The following RAPGEF4 variants were observed in gnomAD, a reference collection of about 807,000 sequenced individuals.
The protein encoded by RAPGEF4 is Rap guanine nucleotide exchange factor 4.
A neutral mutation model predicts 147.9 loss-of-function variants in RAPGEF4; 66 were observed. The ratio of observed to expected loss-of-function variants is 0.45; its 90% CI spans 0.37 to 0.55. The LOEUF (loss-of-function observed/expected upper bound fraction) is 0.55, where lower values mean the gene tolerates loss of function less well. Ranked by LOEUF, RAPGEF4 falls within the 20% of genes least tolerant of loss-of-function variation. The probability of loss-of-function intolerance (pLI) is 0.00; values close to 1 mark genes in which losing one functional copy is unlikely to be tolerated. For synonymous variants in RAPGEF4, 419 were observed against 442.7 expected (o/e 0.95, Z 0.67); for missense variants, 1,071 against 1,257.3 (o/e 0.85, Z 2.24).
chr2:173,045,208 CTG>C (rs1685308778), intron 29 of RAPGEF4, among the ~76,000 whole-genome samples: 1 of 152,250 alleles, frequency 6.6e-6, no homozygotes, highest in South Asian at 2.1e-4. Flanking sequence ...AAGAAATCAA[CTG>C]TACGTGCACA....
intron 12 of RAPGEF4, among the ~76,000 whole-genome samples, chr2:172,985,843 C>T (rs1559164277): frequency 6.6e-6 from 1 of 152,160 alleles, no homozygotes. Context: ...GACCTCATTT[C>T]GTTCATAGCT....
In RAPGEF4 at chr2:172,843,366, GC is replaced by G. The variant is rs1387166346; in HGVS notation, c.444+28942del. On this transcript the variant is annotated intron_variant, in intron 4 of 30. Coordinates refer to ENST00000397081, the MANE Select transcript of RAPGEF4 (RefSeq NM_007023.4). ...AGTTTTCCAACAGAATTTGCCGGGG[GC>G]AAGTCAAAGCATGCACACTTGGATA... Among the ~76,000 whole-genome samples, 7 of 152,322 alleles carry G rather than the reference GC, an allele frequency of 4.6e-5. No homozygotes were observed. In the East Asian group the frequency reaches 1.3e-3, roughly 29 times the overall value.
chr2:172,885,198 CA>C (rs1379780291), intron 4 of RAPGEF4, among the ~76,000 whole-genome samples: 2 of 152,260 alleles, frequency 1.3e-5, no homozygotes, highest in African/African-American at 4.8e-5. Flanking sequence ...GTCAGCGTTA[CA>C]GTGTGTTCCA....
chr2:172,860,626 T>A (rs2149775254), intron 4 of RAPGEF4, among the ~76,000 whole-genome samples: 1 of 151,772 alleles, frequency 6.6e-6, no homozygotes, highest in South Asian at 2.1e-4. Context: ...GGAGTAGATC[T>A]GAAATGAAAA....
At chr2:173,028,752 C>G (rs1696903151) in intron 25 of RAPGEF4, among the ~76,000 whole-genome samples, 1 of 152,152 alleles carries the variant, frequency 6.6e-6, no homozygotes, top group South Asian at 2.1e-4. Context: ...AATCCGAGAT[C>G]TACAAGAATG....
At position 173,017,139 on chromosome 2, in the gene RAPGEF4, G is replaced by A. The variant is rs764864389; in HGVS notation, c.1899-35G>A. The A allele has an allele frequency of 5.0e-6, 8 of 1,590,164 alleles. No homozygotes were observed. In the Admixed American group the frequency reaches 1.0e-4, roughly 20 times the overall value. Reference sequence around the variant, plus strand: ...AATAAGGCAATTTAATAGTAGCAATGGTATTAAATAATGTGCTTTCTCTAC... The same window carrying A: ...AATAAGGCAATTTAATAGTAGCAATAGTATTAAATAATGTGCTTTCTCTAC... On this transcript the variant is annotated intron_variant, in intron 19 of 30. Coordinates refer to ENST00000397081, the MANE Select transcript of RAPGEF4 (RefSeq NM_007023.4).
intron 4 of RAPGEF4, among the ~76,000 whole-genome samples, chr2:172,864,775 C>G (rs1178461660): frequency 6.6e-6 from 1 of 152,110 alleles, no homozygotes; most frequent in Non-Finnish European, 1.5e-5. Context: ...CATGGTGGCA[C>G]GTGACTGTAG....
chr2:172,813,138 A>G (rs1474268646), intron 3 of RAPGEF4, among the ~76,000 whole-genome samples: 1 of 152,180 alleles, frequency 6.6e-6, no homozygotes, highest in African/African-American at 2.4e-5. Flanking sequence ...TCTTATGGGC[A>G]TTTGTCTTAG....
At chr2:173,043,088 T>A (rs183821425) in intron 29 of RAPGEF4, among the ~76,000 whole-genome samples, 1 of 152,198 alleles carries the variant, frequency 6.6e-6, no homozygotes, top group Non-Finnish European at 1.5e-5. Context: ...GGTGAGACAC[T>A]GTGTATTTCT....
chr2:173,048,605 G>A lies in RAPGEF4; in HGVS notation c.2859G>A (p.Met953Ile), dbSNP rs764280338. The change falls in exon 30 of 31, where the codon ATG becomes ATA. Residue 953 changes from methionine to isoleucine, a missense_variant. Coordinates refer to ENST00000397081, the MANE Select transcript of RAPGEF4 (RefSeq NM_007023.4). ...TTTTTCTATATTCCTTTTAGCGCAT[G>A]ATTGCAAATACGGCCAGAACAGTGA... The part of the protein sequence containing the change: ...DNLVNFEKMR[M>I]IANTARTVRY... 3.3e-5 allele frequency: 54 copies of A among 1,613,958 alleles called. No homozygotes were observed. The highest frequency in any genetic ancestry group is 4.5e-5 in the Non-Finnish European group (53 of 1,180,014).
At chr2:172,925,569 A>G (rs1486373805) in intron 6 of RAPGEF4, among the ~76,000 whole-genome samples, 1 of 128,846 alleles carries the variant, frequency 7.8e-6, no homozygotes, top group African/African-American at 2.9e-5. Flanking sequence ...GCCAGGACAC[A>G]TAGTGAGACT....
At chr2:172,739,358 T>C (rs866920322) in intron 1 of RAPGEF4, among the ~76,000 whole-genome samples, 1 of 149,820 alleles carries the variant, frequency 6.7e-6, no homozygotes, top group South Asian at 2.1e-4. Context: ...CTGACCATTG[T>C]TTAAGTTTTT....
rs78178120 is a variant in RAPGEF4, at chr2:172,895,951, A to G, written c.445-21851A>G. Among the ~76,000 whole-genome samples, 1,163 of 152,364 alleles carry G rather than the reference A, an allele frequency of 7.6e-3. 18 individuals carry two copies. The highest frequency in any genetic ancestry group is 0.026 in the African/African-American group (1,088 of 41,590). On this transcript the variant is annotated intron_variant, in intron 4 of 30. Coordinates refer to ENST00000397081, the MANE Select transcript of RAPGEF4 (RefSeq NM_007023.4). ...TCCCATTGCCCTGGCATCCTCTTCC[A>G]TAACAGCTTTATTTGGGAAAATTAT...
intron 28 of RAPGEF4, 32 bp downstream of exon 28, chr2:173,036,244 G>T (rs780565920): frequency 3.4e-6 from 5 of 1,488,554 alleles, no homozygotes; most frequent in Non-Finnish European, 2.8e-6. Context: ...GGCCAAGCAG[G>T]TGATGAGTAT....
chr2:173,001,318 C>G lies in RAPGEF4; in HGVS notation c.1632C>G (p.Thr544=). 1.2e-6 allele frequency: 2 copies of G among 1,613,942 alleles called. No homozygotes were observed. The highest frequency in any genetic ancestry group is 2.7e-5 in the African/African-American group (2 of 74,996). Residue 544 remains threonine, a synonymous_variant, in exon 17 of 31, where the codon ACC becomes ACG. Transcript: ENST00000397081. ...IMMHCVFMPN[T]QLCPALVAHY... is the part of the protein sequence containing the mutation. The stretch of plus-strand genomic sequence containing the variant: ...TGCACTGTGTTTTTATGCCAAATAC[C>G]CAGCTTTGCCCGGCACTGGTGGCCC...
intron 4 of RAPGEF4, among the ~76,000 whole-genome samples, chr2:172,852,790 A>G (rs1693001955): frequency 6.6e-6 from 1 of 152,044 alleles, no homozygotes; most frequent in Non-Finnish European, 1.5e-5. Flanking sequence ...ATATCTTTTT[A>G]TTTTTAATTT....
At chr2:172,963,429 A>G (rs570035244) in intron 8 of RAPGEF4, among the ~76,000 whole-genome samples, 1 of 152,230 alleles carries the variant, frequency 6.6e-6, no homozygotes, top group Admixed American at 6.5e-5. Context: ...TCAAAATTGT[A>G]TTACTTTTTT....
At chr2:172,903,514 G>T (rs1010067619) in intron 4 of RAPGEF4, among the ~76,000 whole-genome samples, 1 of 151,786 alleles carries the variant, frequency 6.6e-6, no homozygotes, top group Non-Finnish European at 1.5e-5. Context: ...TTCCAGCCTG[G>T]GCGACAAGAG....
At chr2:173,017,232 T>A in intron 20 of RAPGEF4, 28 bp downstream of exon 20, 1 of 1,604,490 alleles carries the variant, frequency 6.2e-7, no homozygotes. Flanking sequence ...GCATTCTCTG[T>A]CTGTGTCCTG....
Sources: allele counts gnomAD v4.1 joint callset (sites outside exome capture counted in the v4.1 genomes callset), GRCh38; gene constraint gnomAD v4.1.1; transcripts MANE v1.5; gene names NCBI Gene and HGNC (gene_info 2026-07-23, HGNC 2026-07-21).